GPBP1: variants seen among roughly 807,000 people sequenced by gnomAD.
GPBP1 encodes the protein GC-rich promoter binding protein 1.
A neutral mutation model predicts 56.5 loss-of-function variants in GPBP1; 13 were observed. That is an observed-to-expected ratio of 0.23 (90% CI 0.15 to 0.37). The LOEUF (loss-of-function observed/expected upper bound fraction) is 0.37. Ranked by LOEUF, GPBP1 falls within the 10% of genes least tolerant of loss-of-function variation. GPBP1 has a pLI of 1.00. For synonymous variants in GPBP1, 204 were observed against 188.9 expected (o/e 1.08, Z -0.66); for missense variants, 477 against 572.3 (o/e 0.83, Z 1.70).
intron 3 of GPBP1, among the ~76,000 whole-genome samples, chr5:57,228,658 A>G (rs527259802): frequency 6.6e-6 from 1 of 152,066 alleles, no homozygotes; most frequent in African/African-American, 2.4e-5. Flanking sequence ...CAGCGGGGGA[A>G]ATTTTTTTAA....
At chr5:57,241,875 A>C (rs115091152) in intron 6 of GPBP1, among the ~76,000 whole-genome samples, 1,745 of 152,300 alleles carry the variant, frequency 0.011, 31 homozygotes, top group African/African-American at 0.04. Flanking sequence ...ATAATGTTTG[A>C]CTCTAAGAGC....
In GPBP1 at chr5:57,206,494, G is replaced by T. The variant is rs371968837; in HGVS notation, c.-57-7580G>T. On this transcript the variant is annotated intron_variant, in intron 2 of 11. Transcript: ENST00000506184. Reference sequence around the variant, plus strand: ...GCTCACTGCCACCTCTGCCTCCTGGGTTCAAGCTATTGTCCTGCCTCAGCC... The same window carrying T: ...GCTCACTGCCACCTCTGCCTCCTGGTTTCAAGCTATTGTCCTGCCTCAGCC... Among the ~76,000 whole-genome samples the T allele has an allele frequency of 1.2e-4, 18 of 152,254 alleles. No homozygotes were observed. In the East Asian group the frequency reaches 3.3e-3, roughly 28 times the overall value.
rs570431053 is a variant in GPBP1, at chr5:57,250,017, C to G, written c.972+441C>G. On this transcript the variant is annotated intron_variant, in intron 9 of 11. Transcript: ENST00000506184. ...TTTGAGACAAAGTCTCACTCTATCA[C>G]CCAAGCGGAGTGTAAGGGCATCATC... 2.1e-4 allele frequency among the ~76,000 whole-genome samples: 19 copies of G among 92,070 alleles called. No homozygotes were observed. In the South Asian group the frequency reaches 7.5e-3, roughly 37 times the overall value. 60.4% of individuals were successfully genotyped at this position (92,070 alleles called of 152,430 possible). A position where few individuals can be genotyped will look rare whatever the true frequency, so the allele number is the denominator to read the frequency against.
intron 8 of GPBP1, among the ~76,000 whole-genome samples, chr5:57,248,463 T>C (rs951477562): frequency 6.9e-6 from 1 of 144,988 alleles, no homozygotes; most frequent in Non-Finnish European, 1.5e-5. Context: ...AGTCTCGCTC[T>C]GTCGCCCAGG....
At chr5:57,223,325 T>A (rs1756034872) in intron 3 of GPBP1, among the ~76,000 whole-genome samples, 1 of 152,102 alleles carries the variant, frequency 6.6e-6, no homozygotes, top group East Asian at 1.9e-4. Context: ...CCTGACCCCT[T>A]GGTCCTCCTA....
chr5:57,246,234 G>A, intron 6 of GPBP1, 66 bp from the exon 7 acceptor site: 2 of 1,284,714 alleles, frequency 1.6e-6, no homozygotes, highest in Non-Finnish European at 2.1e-6. Context: ...CTGTTCTTTT[G>A]GTGGTTTTAT....
chr5:57,202,889 A>G (rs1162071814), intron 2 of GPBP1, among the ~76,000 whole-genome samples: 1 of 152,244 alleles, frequency 6.6e-6, no homozygotes. Context: ...TGTTTGCAAT[A>G]TATTTCTAAA....
intron 1 of GPBP1, 99 bp downstream of exon 1, chr5:57,174,310 G>C (rs1443209093): frequency 1.3e-5 from 2 of 152,890 alleles, no homozygotes; most frequent in Non-Finnish European, 2.9e-5. Context: ...CGTTGGTGGC[G>C]CGAGGTGTGA....
At chr5:57,243,948 C>G (rs1176247124) in intron 6 of GPBP1, among the ~76,000 whole-genome samples, 1 of 152,100 alleles carries the variant, frequency 6.6e-6, no homozygotes, top group Non-Finnish European at 1.5e-5. Flanking sequence ...CCTGGTCTCC[C>G]AAAGTGCTGG....
In GPBP1 at chr5:57,246,294, A is replaced by T; in HGVS notation, c.479-6A>T. ...AGTGACTCTTGGTCATGCTTTATTT[A>T]TGCAGAATATCCTCCGAATCCTAAA... On this transcript the variant is annotated splice_region_variant and splice_polypyrimidine_tract_variant and intron_variant, in intron 6 of 11. Coordinates refer to ENST00000506184, the MANE Select transcript of GPBP1 (RefSeq NM_022913.4). 6.2e-7 allele frequency: 1 copy of T among 1,606,538 alleles called. No homozygotes were observed.
chr5:57,220,752 A>C (rs1188349992), intron 3 of GPBP1, among the ~76,000 whole-genome samples: 1 of 151,966 alleles, frequency 6.6e-6, no homozygotes, highest in Admixed American at 6.6e-5. Flanking sequence ...GAGCCACTGC[A>C]CCCCGCCCAA....
chr5:57,200,589 G>A lies in GPBP1; in HGVS notation c.-57-13485G>A, dbSNP rs532308474. Among the ~76,000 whole-genome samples, 336 of 151,894 alleles carry A rather than the reference G, an allele frequency of 2.2e-3. 1 individual carries two copies. The highest frequency in any genetic ancestry group is 3.6e-3 in the Non-Finnish European group (247 of 67,918). On this transcript the variant is annotated intron_variant, in intron 2 of 11. Coordinates refer to ENST00000506184, the MANE Select transcript of GPBP1 (RefSeq NM_022913.4). The stretch of plus-strand genomic sequence containing the variant: ...TCACCAAGTTGGCCAGGCTGGCCTC[G>A]ACCTCCTGACCTTGTGATTCTCCCG...
chr5:57,231,001 T>C (rs755844408), intron 4 of GPBP1, 32 bp downstream of exon 4: 6 of 1,584,934 alleles, frequency 3.8e-6, no homozygotes, highest in Non-Finnish European at 2.6e-6. Context: ...TGTTTATGGC[T>C]AATTTTCTTT....
chr5:57,231,370 T>G (rs777394362), intron 5 of GPBP1, 49 bp downstream of exon 5: 1 of 1,438,248 alleles, frequency 7.0e-7, no homozygotes. Context: ...TAAGTGCTAT[T>G]TTAAGTGATT....
At chr5:57,226,673 C>T (rs1756205809) in intron 3 of GPBP1, among the ~76,000 whole-genome samples, 2 of 138,820 alleles carry the variant, frequency 1.4e-5, no homozygotes, top group Admixed American at 7.5e-5. Context: ...AGTTCTCATA[C>T]TTCAAGTCAC....
At chr5:57,182,110 G>C (rs1754076273) in intron 2 of GPBP1, among the ~76,000 whole-genome samples, 2 of 152,142 alleles carry the variant, frequency 1.3e-5, no homozygotes, top group Non-Finnish European at 2.9e-5. Flanking sequence ...TTTTGAGACG[G>C]AGTCTCCCTC....
At chr5:57,223,587 G>A (rs909781722) in intron 3 of GPBP1, among the ~76,000 whole-genome samples, 4 of 151,854 alleles carry the variant, frequency 2.6e-5, no homozygotes, top group East Asian at 1.9e-4. Flanking sequence ...TAGAAGAGCC[G>A]CCTCAAAATT....
chr5:57,201,284 G>A (rs934023144), intron 2 of GPBP1, among the ~76,000 whole-genome samples: 1 of 152,114 alleles, frequency 6.6e-6, no homozygotes, highest in African/African-American at 2.4e-5. Context: ...GTGCTACCAT[G>A]TGCAGCTAAT....
chr5:57,198,740 C>T (rs567689184), intron 2 of GPBP1, among the ~76,000 whole-genome samples: 8 of 152,094 alleles, frequency 5.3e-5, no homozygotes, highest in Admixed American at 2.0e-4. Flanking sequence ...TCCAGCTACT[C>T]GGGAGGCTGA....
Sources: allele counts gnomAD v4.1 joint callset (sites outside exome capture counted in the v4.1 genomes callset), GRCh38; gene constraint gnomAD v4.1.1; transcripts MANE v1.5; gene names NCBI Gene and HGNC (gene_info 2026-07-23, HGNC 2026-07-21).